The following ZBTB38 variants were observed in gnomAD, a reference collection of about 807,000 sequenced individuals.
The protein encoded by ZBTB38 is zinc finger and BTB domain-containing protein 38.
In ZBTB38, 20 loss-of-function variants were observed where a neutral mutation model predicts 76.8. That is an observed-to-expected ratio of 0.26 (90% confidence interval 0.18 to 0.38). The LOEUF (loss-of-function observed/expected upper bound fraction) is 0.38. ZBTB38 is among the 10% of genes least tolerant of loss of function. The pLI is 1.00. For missense variants in ZBTB38, 1,082 were observed against 1,482.3 expected (o/e 0.73, Z 4.43); for synonymous variants, 504 against 544.2 (o/e 0.93, Z 1.03).
chr3:141,414,436 G>A (rs2073464867), intron 5 of ZBTB38, among the ~76,000 whole-genome samples: 2 of 152,208 alleles, frequency 1.3e-5, no homozygotes, highest in Non-Finnish European at 2.9e-5. Context: ...AAAGACCATT[G>A]AACCTTCTCC....
chr3:141,377,592 C>T (rs1012216566), intron 2 of ZBTB38, among the ~76,000 whole-genome samples: 2 of 152,288 alleles, frequency 1.3e-5, no homozygotes, highest in East Asian at 1.9e-4. Flanking sequence ...TCCAGCAATC[C>T]TACTCATGGG....
intron 3 of ZBTB38, among the ~76,000 whole-genome samples, chr3:141,384,028 G>A (rs1293928858): frequency 6.6e-6 from 1 of 152,242 alleles, no homozygotes; most frequent in African/African-American, 2.4e-5. Flanking sequence ...GGATTTACTA[G>A]TTGAGAATGT....
At chr3:141,370,684 T>C (rs1944416739) in intron 2 of ZBTB38, among the ~76,000 whole-genome samples, 1 of 152,270 alleles carries the variant, frequency 6.6e-6, no homozygotes, top group Non-Finnish European at 1.5e-5. Context: ...ATTATGACCC[T>C]AAGCATCATG....
chr3:141,444,573 C>T lies in ZBTB38; in HGVS notation c.2185C>T (p.His729Tyr). ...HSSQFSSVIM[H>Y]SNAIAAMTSS... Reference sequence around the variant, plus strand: ...CAGCCAGTTTTCATCGGTGATCATGCACAGCAATGCCATTGCTGCCATGAC... The same window carrying T: ...CAGCCAGTTTTCATCGGTGATCATGTACAGCAATGCCATTGCTGCCATGAC... The change falls in exon 6 of 6, where the codon CAC becomes TAC. Residue 729 changes from histidine to tyrosine, a missense_variant. This residue lies in a region of ZBTB38 where 471 missense variants were observed against 581.0 expected (regional missense o/e 0.81). Transcript: ENST00000321464. The surrounding 1 kb of genome is among the most constrained non-coding windows in gnomAD (Gnocchi z 5.1). The T allele has an allele frequency of 6.2e-7, 1 of 1,614,186 alleles. No individual in the cohort carries two copies. Among genetic ancestry groups the T allele is most frequent in the Non-Finnish European group, 8.5e-7 (1 of 1,180,034 alleles).
intron 3 of ZBTB38, among the ~76,000 whole-genome samples, chr3:141,382,451 T>C (rs931823148): frequency 5.9e-5 from 9 of 152,210 alleles, no homozygotes; most frequent in African/African-American, 2.2e-4. Flanking sequence ...CAAATCGTTG[T>C]ATCTCTCTCG....
chr3:141,376,831 G>T (rs1035582563), intron 2 of ZBTB38, among the ~76,000 whole-genome samples: 5 of 152,178 alleles, frequency 3.3e-5, no homozygotes, highest in Non-Finnish European at 5.9e-5. Context: ...CATGCTGCTG[G>T]AGAGTCTTGG....
In ZBTB38 at chr3:141,444,986, C is replaced by T. The variant is rs1325869365; in HGVS notation, c.2598C>T (p.Pro866=). 1 of 1,614,078 alleles carries T rather than the reference C, an allele frequency of 6.2e-7. No individual in the cohort carries two copies. The highest frequency in any genetic ancestry group is 8.5e-7 in the Non-Finnish European group (1 of 1,180,026). Residue 866 remains proline, a synonymous_variant, in exon 6 of 6, where the codon CCC becomes CCT. Transcript: ENST00000321464. The surrounding 1 kb of genome is among the most constrained non-coding windows in gnomAD (Gnocchi z 5.1). ...TGTTTTATAAAAGAGGGAGAAGACC[C>T]AAGTATCAGATGCAGGAGGAGCCTT... is the stretch of plus-strand genomic sequence containing the variant. The part of the protein sequence containing the change: ...SKLFYKRGRR[P]KYQMQEEPLP...
intron 3 of ZBTB38, chr3:141,384,889 T>C (rs889457529): frequency 6.6e-6 from 1 of 152,216 alleles, no homozygotes; most frequent in Non-Finnish European, 1.5e-5. Flanking sequence ...TGACCCACCA[T>C]CTGGACAACT....
Position 141,448,221 on chromosome 3 carries a change from T to C in ZBTB38, c.*2245T>C, listed in dbSNP as rs543768103. On this transcript the variant is annotated 3_prime_UTR_variant, in exon 6 of 6. Coordinates refer to ENST00000321464, the MANE Select transcript of ZBTB38 (RefSeq NM_001376113.1). Reference sequence around the variant, plus strand: ...TATGTGGATATTTTTTAAGTGGACTTGTATGCTGATAATTCTAGACCAAAG... The same window carrying C: ...TATGTGGATATTTTTTAAGTGGACTCGTATGCTGATAATTCTAGACCAAAG... The C allele has an allele frequency of 6.5e-6, 1 of 152,762 alleles. No homozygotes were observed. The highest frequency in any genetic ancestry group is 1.9e-4 in the East Asian group (1 of 5,194). The allele number at this position is 152,762 out of a possible 1,614,324, so 9.5% of individuals were successfully genotyped here. A position where few individuals can be genotyped will look rare whatever the true frequency, so the allele number is the denominator to read the frequency against.
At chr3:141,397,675 T>G (rs1950636319) in intron 4 of ZBTB38, among the ~76,000 whole-genome samples, 1 of 152,154 alleles carries the variant, frequency 6.6e-6, no homozygotes, top group Admixed American at 6.5e-5. Flanking sequence ...TTCAGTATTT[T>G]TGTAGATGAG....
chr3:141,336,998 C>A (rs1348443244), intron 1 of ZBTB38, among the ~76,000 whole-genome samples: 1 of 152,210 alleles, frequency 6.6e-6, no homozygotes, highest in South Asian at 2.1e-4. Flanking sequence ...TTTCTAATTA[C>A]GTACATAACA....
upstream of ZBTB38, chr3:141,366,503 C>T (rs1351133673): frequency 6.6e-6 from 1 of 152,234 alleles, no homozygotes; most frequent in African/African-American, 2.4e-5. Flanking sequence ...CTGCTGCTCC[C>T]TTGATTAAAA....
Position 141,430,099 on chromosome 3 carries a change from C to T in ZBTB38, c.1-12290C>T, listed in dbSNP as rs372028819. On this transcript the variant is annotated intron_variant, in intron 5 of 5. Coordinates refer to ENST00000321464, the MANE Select transcript of ZBTB38 (RefSeq NM_001376113.1). Reference sequence around the variant, plus strand: ...TGTTTTTTTGAGACAGAGTTTCGCTCTTGTCACCCAGGCTGGAGTGCAATG... The same window carrying T: ...TGTTTTTTTGAGACAGAGTTTCGCTTTTGTCACCCAGGCTGGAGTGCAATG... Among the ~76,000 whole-genome samples the T allele has an allele frequency of 3.3e-5, 5 of 152,222 alleles. No homozygotes were observed. In the East Asian group the frequency reaches 9.7e-4, roughly 29 times the overall value.
chr3:141,327,266 C>T (rs1942701254), intron 1 of ZBTB38, among the ~76,000 whole-genome samples: 1 of 152,204 alleles, frequency 6.6e-6, no homozygotes, highest in Admixed American at 6.5e-5. Flanking sequence ...CATAGACTTC[C>T]TTCCAAAGAG....
At chr3:141,433,846 A>G (rs760809254) in intron 5 of ZBTB38, among the ~76,000 whole-genome samples, 1 of 152,238 alleles carries the variant, frequency 6.6e-6, no homozygotes, top group African/African-American at 2.4e-5. Context: ...TCAGCTAATT[A>G]TGGATATTCT....
chr3:141,392,007 G>A (rs1949018615), intron 4 of ZBTB38, among the ~76,000 whole-genome samples: 1 of 152,122 alleles, frequency 6.6e-6, no homozygotes, highest in Non-Finnish European at 1.5e-5. Flanking sequence ...AGGTTATTCT[G>A]TTGACAAAGG....
intron 5 of ZBTB38, among the ~76,000 whole-genome samples, chr3:141,405,919 C>A (rs913348480): frequency 1.1e-4 from 16 of 152,086 alleles, no homozygotes. Flanking sequence ...CCCTTTTATC[C>A]CTGGCAGTCA....
intron 4 of ZBTB38, chr3:141,402,592 C>T (rs558592941): frequency 1.3e-5 from 2 of 151,536 alleles, no homozygotes; most frequent in South Asian, 2.1e-4. Flanking sequence ...GGGAAACCCT[C>T]GCAAGGGTTG....
At chr3:141,411,280 T>G (rs1956529940) in intron 5 of ZBTB38, among the ~76,000 whole-genome samples, 1 of 152,246 alleles carries the variant, frequency 6.6e-6, no homozygotes, top group South Asian at 2.1e-4. Flanking sequence ...AGTGATTGGC[T>G]CCTAGACACC....
Sources: gnomAD v4.1 joint callset for allele counts (sites outside exome capture counted in the v4.1 genomes callset) on GRCh38, gnomAD v4.1.1 for gene constraint, gnomAD v4.1.1 regional missense constraint, Gnocchi (gnomAD v3.1) non-coding constraint, MANE v1.5 for transcripts, NCBI Gene and HGNC (gene_info 2026-07-23, HGNC 2026-07-21) for gene names.